CLCN1: variants seen among roughly 807,000 people sequenced by gnomAD.
The protein encoded by CLCN1 is chloride voltage-gated channel 1.
CLCN1 carries 100 observed loss-of-function variants against 114.5 expected under a neutral mutation model. That is an observed-to-expected ratio of 0.87 (90% confidence interval 0.74 to 1.03). The LOEUF (loss-of-function observed/expected upper bound fraction) is 1.03. Ranked by LOEUF, CLCN1 falls within the 50% of genes least tolerant of loss-of-function variation. The pLI, the probability that CLCN1 is intolerant of heterozygous loss-of-function variation, is 0.00. For synonymous variants in CLCN1, 485 were observed against 487.1 expected (o/e 1.00, Z 0.06); for missense variants, 1,188 against 1,250.0 (o/e 0.95, Z 0.75).
At chr7:143,329,116 T>C (rs1251989702) in intron 7 of CLCN1, among the ~76,000 whole-genome samples, 1 of 152,064 alleles carries the variant, frequency 6.6e-6, no homozygotes, top group Admixed American at 6.6e-5. Context: ...TACAGGCGCC[T>C]GCCACAGCGC....
intron 14 of CLCN1, among the ~76,000 whole-genome samples, chr7:143,341,247 A>T (rs1479299919): frequency 2.0e-5 from 3 of 152,044 alleles, no homozygotes; most frequent in Admixed American, 2.0e-4. Flanking sequence ...AAAAAATGTT[A>T]TAACTGAGTT....
chr7:143,348,096 A>G (rs1803305610), intron 20 of CLCN1, among the ~76,000 whole-genome samples: 1 of 152,266 alleles, frequency 6.6e-6, no homozygotes, highest in Non-Finnish European at 1.5e-5. Flanking sequence ...CTTATTGGAT[A>G]TCCAGAATAA....
rs376026619 is a variant in CLCN1 at position 143,332,829 on chromosome 7, C to G, written c.1357C>G (p.Arg453Gly). 6.2e-7 allele frequency: 1 copy of G among 1,614,118 alleles called. No homozygotes were observed. Among genetic ancestry groups the G allele is most frequent in the Admixed American group, 1.7e-5 (1 of 60,016 alleles). The change falls in exon 12 of 23, where the codon CGG (arginine) becomes GGG (glycine). Residue 453 changes from arginine (R) to glycine (G), a missense_variant. Physicochemically the swap from Arg to Gly is moderately radical, Grantham distance 125 (BLOSUM62 -2). Transcript: ENST00000343257. ...LGQSAVWIHP[R>G]VNVVIIIFLF... is the part of the protein sequence containing the mutation. Reference sequence around the variant, plus strand: ...CCAGTCAGCTGTGTGGATTCACCCCCGGGTCAACGTTGTCATCATCATCTT... The same window carrying G: ...CCAGTCAGCTGTGTGGATTCACCCCGGGGTCAACGTTGTCATCATCATCTT...
At chr7:143,332,666 A>C (rs1802758762) in intron 11 of CLCN1, 58 bp from the exon 12 acceptor site, 30 of 1,606,158 alleles carry the variant, frequency 1.9e-5, no homozygotes, top group Non-Finnish European at 2.6e-5. Context: ...AGTTCTCTAA[A>C]AAAGGAAGCA....
intron 7 of CLCN1, among the ~76,000 whole-genome samples, chr7:143,329,308 A>T (rs1802661119): frequency 6.6e-6 from 1 of 152,150 alleles, no homozygotes; most frequent in Non-Finnish European, 1.5e-5. Flanking sequence ...AAATGTAAAG[A>T]AATATCTGGA....
At chr7:143,348,647 A>G (rs1020178043) in intron 20 of CLCN1, among the ~76,000 whole-genome samples, 1 of 152,208 alleles carries the variant, frequency 6.6e-6, no homozygotes, top group South Asian at 2.1e-4. Context: ...AGATGTTGAT[A>G]TTGACCAAAA....
intron 12 of CLCN1, among the ~76,000 whole-genome samples, chr7:143,337,145 T>C (rs1278522987): frequency 6.6e-6 from 1 of 152,206 alleles, no homozygotes; most frequent in African/African-American, 2.4e-5. Context: ...TCTTTAGTGT[T>C]TTAGCAAATA....
intron 12 of CLCN1, among the ~76,000 whole-genome samples, chr7:143,334,433 C>G (rs1802816951): frequency 6.6e-6 from 1 of 152,008 alleles, no homozygotes; most frequent in Non-Finnish European, 1.5e-5. Context: ...ATATGAGTCA[C>G]CAAGTTATAT....
intron 16 of CLCN1, among the ~76,000 whole-genome samples, chr7:143,343,402 A>C (rs1286206213): frequency 6.6e-6 from 1 of 152,244 alleles, no homozygotes; most frequent in Non-Finnish European, 1.5e-5. Flanking sequence ...GTGAAAGCTG[A>C]AACAAGAAGG....
chr7:143,345,673 G>A lies in CLCN1; in HGVS notation c.2083G>A (p.Glu695Lys), dbSNP rs765869748. 7 of 1,563,790 alleles carry A rather than the reference G, an allele frequency of 4.5e-6. No homozygotes were observed. The highest frequency in any genetic ancestry group is 1.8e-4 in the Middle Eastern group (1 of 5,708). The change falls in exon 17 of 23, where the codon GAG becomes AAG. Residue 695 changes from glutamate to lysine, a missense_variant. Transcript: ENST00000343257. ...PYDGKARLAG[E>K]GLPGAPPGRP... ...CGACGGGAAGGCGCGGCTGGCTGGG[G>A]AGGGGCTCCCCGGCGCGCCTCCAGG...
At chr7:143,342,931 T>TAA (rs201619687) in intron 16 of CLCN1, among the ~76,000 whole-genome samples, 7 of 145,948 alleles carry the variant, frequency 4.8e-5, no homozygotes, top group African/African-American at 1.7e-4. Flanking sequence ...GAAACTCTGT[T>TAA]AAAAAAAAAA....
Position 143,324,546 on chromosome 7 carries a change from AAC to A in CLCN1, c.853+56_853+57del. The A allele has an allele frequency of 2.2e-6, 3 of 1,371,924 alleles. No homozygotes were observed. Among genetic ancestry groups the A allele is most frequent in the Non-Finnish European group, 3.1e-6 (3 of 960,046 alleles). The allele number at this position is 1,371,924 out of a possible 1,614,324, so 85.0% of individuals were successfully genotyped here. A position where few individuals can be genotyped will look rare whatever the true frequency, so the allele number is the denominator to read the frequency against. On this transcript the variant is annotated intron_variant, in intron 7 of 22. Coordinates refer to ENST00000343257, the MANE Select transcript of CLCN1 (RefSeq NM_000083.3). The surrounding 1 kb of genome is among the most constrained non-coding windows in gnomAD (Gnocchi z 4.6). ...TCGGCTTGCCTGGCCTGGCTCCCAA[AAC>A]AGTTTTAATCAGTATCCACAAGTGC...
At position 143,332,924 on chromosome 7, in the gene CLCN1, T is replaced by C. The variant is rs753308733; in HGVS notation, c.1401+51T>C. 7.5e-6 allele frequency: 12 copies of C among 1,596,112 alleles called. No homozygotes were observed. The East Asian group carries it at 2.5e-4, about 33-fold the overall frequency. On this transcript the variant is annotated intron_variant, in intron 12 of 22. Transcript: ENST00000343257. ...CCTAAACCTCCATCTGTTTTCAATC[T>C]ATGAACCCAGGGTTTGCATAGGGTA...
intron 1 of CLCN1, among the ~76,000 whole-genome samples, chr7:143,317,421 G>T (rs1802316846): frequency 6.6e-6 from 1 of 151,866 alleles, no homozygotes; most frequent in Non-Finnish European, 1.5e-5. Context: ...GCAAATTTTT[G>T]TACTTTCAGT....
At chr7:143,347,096 T>C in intron 20 of CLCN1, 147 bp downstream of exon 20, 1 of 783,968 alleles carries the variant, frequency 1.3e-6, no homozygotes, top group Non-Finnish European at 2.3e-6. Context: ...TAAGGATGAT[T>C]ATGGAGAGAG....
chr7:143,350,300 G>T lies in CLCN1; in HGVS notation c.2404-72G>T. 2.5e-6 allele frequency: 3 copies of T among 1,215,900 alleles called. No homozygotes were observed. The highest frequency in any genetic ancestry group is 2.5e-5 in the South Asian group (2 of 79,576). The allele number at this position is 1,215,900 out of a possible 1,614,324, so 75.3% of individuals were successfully genotyped here. On this transcript the variant is annotated intron_variant, in intron 20 of 22. Coordinates refer to ENST00000343257, the MANE Select transcript of CLCN1 (RefSeq NM_000083.3). This position sits in a 1 kb window ranked among gnomAD's most constrained non-coding sequence, Gnocchi z 5.1. The stretch of plus-strand genomic sequence containing the variant: ...TGGGCAGCGGCTAGGAGGGCCGTTT[G>T]GGGTCAAAATCAGGTATCTGGGGTG...
At position 143,327,201 on chromosome 7, in the gene CLCN1, G is replaced by A. The variant is rs1422729218; in HGVS notation, c.853+2709G>A. ...GTGGAGGTTGTAGCAAGCTGAGATCGCGCGTCACTGCACTCCAGTCCGGGC... is the reference window on the plus strand; with the variant it reads ...GTGGAGGTTGTAGCAAGCTGAGATCACGCGTCACTGCACTCCAGTCCGGGC... On this transcript the variant is annotated intron_variant, in intron 7 of 22. Transcript: ENST00000343257. Among the ~76,000 whole-genome samples, 7 of 150,978 alleles carry A rather than the reference G, an allele frequency of 4.6e-5. No homozygotes were observed. In the South Asian group the frequency reaches 1.3e-3, roughly 27 times the overall value.
At chr7:143,323,063 G>C (rs1003558647) in intron 5 of CLCN1, among the ~76,000 whole-genome samples, 2 of 152,086 alleles carry the variant, frequency 1.3e-5, no homozygotes, top group African/African-American at 4.8e-5. Flanking sequence ...GGCTCCTCAG[G>C]CCCTTTCCTC....
intron 20 of CLCN1, among the ~76,000 whole-genome samples, chr7:143,348,770 T>G (rs1365497901): frequency 1.3e-5 from 2 of 152,178 alleles, no homozygotes; most frequent in East Asian, 1.9e-4. Flanking sequence ...AGAGCTCTGT[T>G]TCTAACCGGT....
Sources: allele counts gnomAD v4.1 joint callset (sites outside exome capture counted in the v4.1 genomes callset), GRCh38; gene constraint gnomAD v4.1.1; non-coding constraint Gnocchi (gnomAD v3.1); transcripts MANE v1.5; gene names NCBI Gene and HGNC (gene_info 2026-07-23, HGNC 2026-07-21).